Variants in ZNF521 observed in about 807,000 individuals in gnomAD.
ZNF521 encodes the protein zinc finger protein 521.
ZNF521 carries 14 observed loss-of-function variants against 105.5 expected under a neutral mutation model. The observed-to-expected ratio is 0.13, with a 90% CI of 0.09 to 0.21. The LOEUF is 0.21. Ranked by LOEUF, ZNF521 falls within the 10% of genes least tolerant of loss-of-function variation. ZNF521 has a pLI of 1.00. For synonymous variants in ZNF521, 635 were observed against 606.0 expected, an observed-to-expected ratio of 1.05 and a Z score of -0.70; for missense variants, 1,233 against 1,629.7, an observed-to-expected ratio of 0.76 and a Z score of 4.19.
chr18:25,213,020 C>T (rs1436128331), intron 4 of ZNF521, among the ~76,000 whole-genome samples: 1 of 151,226 alleles, frequency 6.6e-6, no homozygotes, highest in East Asian at 1.9e-4. Flanking sequence ...AATTTTTGTG[C>T]TACTTTTTTC....
chr18:25,300,594 A>G (rs1052876332), intron 3 of ZNF521, among the ~76,000 whole-genome samples: 5 of 151,728 alleles, frequency 3.3e-5, no homozygotes, highest in Non-Finnish European at 5.9e-5. Context: ...CTTAAATAAA[A>G]AAGTCACTGC....
chr18:25,339,857 G>C (rs565833042), intron 2 of ZNF521, among the ~76,000 whole-genome samples: 4 of 152,288 alleles, frequency 2.6e-5, no homozygotes, highest in Admixed American at 2.0e-4. Context: ...CAAGATGTGA[G>C]ATGAAAACAA....
chr18:25,204,022 T>C (rs2036037203), intron 4 of ZNF521, among the ~76,000 whole-genome samples: 2 of 152,142 alleles, frequency 1.3e-5, no homozygotes, highest in Non-Finnish European at 2.9e-5. Context: ...TCTCTATTGC[T>C]CCCGTTCTTC....
At chr18:25,194,449 A>T (rs2144632545) in intron 5 of ZNF521, among the ~76,000 whole-genome samples, 1 of 151,874 alleles carries the variant, frequency 6.6e-6, no homozygotes, top group Non-Finnish European at 1.5e-5. Context: ...GCAGTAATCC[A>T]TGAGGAATTA....
chr18:25,348,551 A>C (rs1210089920), intron 2 of ZNF521, among the ~76,000 whole-genome samples: 1 of 152,220 alleles, frequency 6.6e-6, no homozygotes, highest in Non-Finnish European at 1.5e-5. Flanking sequence ...AAGCCCAGCC[A>C]GCCCACCTGA....
chr18:25,125,347 T>C (rs929085191), intron 5 of ZNF521, among the ~76,000 whole-genome samples: 4 of 152,148 alleles, frequency 2.6e-5, no homozygotes, highest in Non-Finnish European at 4.4e-5. Context: ...TTTCAGTTTA[T>C]AGAACTGTTT....
chr18:25,121,553 A>G (rs1431058264), intron 5 of ZNF521, among the ~76,000 whole-genome samples: 2 of 151,998 alleles, frequency 1.3e-5, no homozygotes, highest in Non-Finnish European at 2.9e-5. Context: ...ACCCAGCCAG[A>G]AAGTCTTAAA....
chr18:25,239,993 C>T (rs1415425146), intron 3 of ZNF521, among the ~76,000 whole-genome samples: 1 of 151,862 alleles, frequency 6.6e-6, no homozygotes, highest in East Asian at 1.9e-4. Context: ...TATCTTATCA[C>T]ACACATCTCT....
chr18:25,241,505 G>C (rs1907331631), intron 3 of ZNF521, among the ~76,000 whole-genome samples: 1 of 151,872 alleles, frequency 6.6e-6, no homozygotes, highest in Non-Finnish European at 1.5e-5. Flanking sequence ...TTTTTAAATG[G>C]TTAAGTATAA....
intron 5 of ZNF521, among the ~76,000 whole-genome samples, chr18:25,171,218 A>G (rs1283830701): frequency 6.6e-6 from 1 of 152,164 alleles, no homozygotes; most frequent in African/African-American, 2.4e-5. Flanking sequence ...CTCACACACA[A>G]TCGAAATTAG....
At chr18:25,300,723 T>A (rs1169797294) in intron 3 of ZNF521, among the ~76,000 whole-genome samples, 3 of 152,208 alleles carry the variant, frequency 2.0e-5, no homozygotes, top group Non-Finnish European at 4.4e-5. Flanking sequence ...GTAAAGTTCT[T>A]CAAAAACATT....
chr18:25,135,835 G>T (rs2034724055), intron 5 of ZNF521, among the ~76,000 whole-genome samples: 1 of 152,064 alleles, frequency 6.6e-6, no homozygotes, highest in Non-Finnish European at 1.5e-5. Flanking sequence ...TATTATTTTT[G>T]ATTTATATAC....
intron 5 of ZNF521, among the ~76,000 whole-genome samples, chr18:25,179,309 CTGGCTAATTTT>C (rs1309814672): frequency 6.6e-6 from 1 of 151,198 alleles, no homozygotes; most frequent in East Asian, 1.9e-4. Context: ...GCCACCACAT[CTGGCTAATTTT>C]TGTATTTTTA....
At chr18:25,296,331 C>G (rs1364988620) in intron 3 of ZNF521, among the ~76,000 whole-genome samples, 1 of 152,152 alleles carries the variant, frequency 6.6e-6, no homozygotes, top group African/African-American at 2.4e-5. Flanking sequence ...TTTAGTAATA[C>G]TATAGCACTT....
chr18:25,178,153 A>C (rs1363005702), intron 5 of ZNF521, among the ~76,000 whole-genome samples: 1 of 152,234 alleles, frequency 6.6e-6, no homozygotes, highest in Non-Finnish European at 1.5e-5. Context: ...TCTCATGTTT[A>C]AATGAATGTG....
chr18:25,188,089 T>C (rs1191078368), intron 5 of ZNF521, among the ~76,000 whole-genome samples: 1 of 152,068 alleles, frequency 6.6e-6, no homozygotes, highest in Non-Finnish European at 1.5e-5. Context: ...ATTTCATGCT[T>C]GTCTCCTTTC....
intron 4 of ZNF521, among the ~76,000 whole-genome samples, chr18:25,207,663 T>C (rs1041210856): frequency 6.6e-6 from 1 of 152,192 alleles, no homozygotes; most frequent in African/African-American, 2.4e-5. Flanking sequence ...GTGAGCTTTT[T>C]ATATGTACAC....
At chr18:25,186,237 C>T (rs1181792312) in intron 5 of ZNF521, among the ~76,000 whole-genome samples, 4 of 152,170 alleles carry the variant, frequency 2.6e-5, no homozygotes, top group African/African-American at 9.7e-5. Context: ...GCATTACTCT[C>T]AAGTTTCTGG....
At chr18:25,279,090 C>T (rs1292689199) in intron 3 of ZNF521, among the ~76,000 whole-genome samples, 1 of 152,124 alleles carries the variant, frequency 6.6e-6, no homozygotes, top group African/African-American at 2.4e-5. Context: ...TCATGCCACC[C>T]ATGGCTTCTA....
Sources: allele counts gnomAD v4.1 joint callset (sites outside exome capture counted in the v4.1 genomes callset), GRCh38; gene constraint gnomAD v4.1.1; transcripts MANE v1.5; gene names NCBI Gene and HGNC (gene_info 2026-07-23, HGNC 2026-07-21).